LINGO1: variants seen among roughly 807,000 people sequenced by gnomAD.
LINGO1 encodes leucine-rich repeat and immunoglobulin-like domain-containing nogo receptor-interacting protein 1.
A neutral mutation model predicts 37.3 loss-of-function variants in LINGO1; 11 were observed. The ratio of observed to expected loss-of-function variants is 0.29; its 90% CI spans 0.19 to 0.49. The LOEUF is 0.49. Among genes scored for constraint, LINGO1 ranks in the 20% least tolerant of loss-of-function variants. The probability of loss-of-function intolerance (pLI) is 0.99; values close to 1 mark genes in which losing one functional copy is unlikely to be tolerated. For missense variants in LINGO1, 585 were observed against 878.2 expected (o/e 0.67, Z 4.22); for synonymous variants, 387 against 403.0 (o/e 0.96, Z 0.48).
At chr15:77,621,542 G>A (rs1015589243) in intron 1 of LINGO1, among the ~76,000 whole-genome samples, 1 of 152,150 alleles carries the variant, frequency 6.6e-6, no homozygotes, top group East Asian at 1.9e-4. Flanking sequence ...TGCCTGGTGC[G>A]ACACAGGGCT....
At chr15:77,727,888 C>T (rs1200956784) in intron 2 of LINGO1, among the ~76,000 whole-genome samples, 1 of 152,192 alleles carries the variant, frequency 6.6e-6, no homozygotes, top group Non-Finnish European at 1.5e-5. Context: ...TTGCCTGGCT[C>T]CCGGGGACAC....
chr15:77,763,527 T>C (rs1348639164), intron 1 of LINGO1, among the ~76,000 whole-genome samples: 1 of 152,090 alleles, frequency 6.6e-6, no homozygotes, highest in African/African-American at 2.4e-5. Context: ...CCCCACTGAC[T>C]GACCCTCGAA....
upstream of LINGO1, among the ~76,000 whole-genome samples, chr15:77,636,638 C>T (rs1420294753): frequency 6.6e-6 from 1 of 152,116 alleles, no homozygotes; most frequent in Admixed American, 6.5e-5. Flanking sequence ...GAGGGGGTCA[C>T]AGCCACTCCC....
At chr15:77,725,473 G>T (rs1462914818) in intron 2 of LINGO1, among the ~76,000 whole-genome samples, 1 of 152,072 alleles carries the variant, frequency 6.6e-6, no homozygotes, top group Non-Finnish European at 1.5e-5. Flanking sequence ...TGAGGTAGGG[G>T]GATCACTCGA....
chr15:77,796,711 C>CTT (rs59535084), intron 1 of LINGO1, among the ~76,000 whole-genome samples: 203 of 142,688 alleles, frequency 1.4e-3, no homozygotes, highest in East Asian at 2.3e-3. Flanking sequence ...CCTCTCCTGC[C>CTT]TTTTTTTTTT....
At chr15:77,699,493 AT>A (rs2075743350), upstream of LINGO1, among the ~76,000 whole-genome samples, 11 of 7,574 alleles carry the variant, frequency 1.5e-3, no homozygotes, top group South Asian at 3.0e-3. Flanking sequence ...ACTAACCATC[AT>A]CTCCACACAC....
intron 3 of LINGO1, among the ~76,000 whole-genome samples, chr15:77,657,270 C>A (rs1444612276): frequency 6.6e-6 from 1 of 151,956 alleles, no homozygotes; most frequent in African/African-American, 2.4e-5. Flanking sequence ...GGTAGCTGCC[C>A]CAGACCTCAG....
At chr15:77,797,939 A>ATATTATGGGC (rs1356645352) in intron 1 of LINGO1, among the ~76,000 whole-genome samples, 1 of 152,224 alleles carries the variant, frequency 6.6e-6, no homozygotes, top group Non-Finnish European at 1.5e-5. Flanking sequence ...GGGTCTTCAT[A>ATATTATGGGC]TATTATGGGC....
chr15:77,776,522 G>GAGTA (rs1338089840), intron 1 of LINGO1, among the ~76,000 whole-genome samples: 10,055 of 51,506 alleles, frequency 0.2, 795 homozygotes, highest in Non-Finnish European at 0.23. Context: ...GGCAGGAAGG[G>GAGTA]AGGAAGGGAG....
At chr15:77,750,675 G>A (rs2076362347) in intron 1 of LINGO1, among the ~76,000 whole-genome samples, 1 of 152,218 alleles carries the variant, frequency 6.6e-6, no homozygotes, top group Admixed American at 6.5e-5. Flanking sequence ...CCTACTATGA[G>A]CCAGACACTT....
At chr15:77,726,235 CT>C (rs1296781241) in intron 2 of LINGO1, among the ~76,000 whole-genome samples, 5 of 152,208 alleles carry the variant, frequency 3.3e-5, no homozygotes, top group African/African-American at 1.2e-4. Context: ...GTCTCCGCCC[CT>C]GTGTCTGATG....
intron 1 of LINGO1, among the ~76,000 whole-genome samples, chr15:77,812,175 T>TTA (rs1382400704): frequency 1.3e-5 from 2 of 152,216 alleles, no homozygotes; most frequent in Admixed American, 6.5e-5. Context: ...TGCCCTTTAT[T>TTA]GAGGTGACTG....
At chr15:77,617,183 T>G (rs1314238705) in intron 1 of LINGO1, among the ~76,000 whole-genome samples, 2 of 152,126 alleles carry the variant, frequency 1.3e-5, no homozygotes, top group African/African-American at 4.8e-5. Context: ...GCAAGGGGTA[T>G]GCGGGAGCCT....
chr15:77,715,216 T>TC lies in LINGO1; in HGVS notation c.-195+19775_-195+19776insG, dbSNP rs1341459343. Among the ~76,000 whole-genome samples, 336 of 152,186 alleles carry TC rather than the reference T, an allele frequency of 2.2e-3. 1 individual carries two copies. Among genetic ancestry groups the TC allele is most frequent in the African/African-American group, 7.9e-3 (326 of 41,522 alleles). On this transcript the variant is annotated intron_variant, in intron 2 of 3. Coordinates refer to the LINGO1 transcript ENST00000561686. ...ACTCTCCACCCCTTTCACACATCCATGGGGCGCTAGGAGGAAATGGGGCAG... is the reference window on the plus strand; with the variant it reads ...ACTCTCCACCCCTTTCACACATCCATCGGGGCGCTAGGAGGAAATGGGGCAG...
chr15:77,731,068 C>T (rs1415726635), intron 2 of LINGO1, among the ~76,000 whole-genome samples: 1 of 152,218 alleles, frequency 6.6e-6, no homozygotes, highest in Admixed American at 6.5e-5. Flanking sequence ...TCATGCTTGG[C>T]ATTCAATGTC....
chr15:77,693,057 C>A (rs1364351303), intron 1 of LINGO1, among the ~76,000 whole-genome samples: 1 of 152,220 alleles, frequency 6.6e-6, no homozygotes, highest in Non-Finnish European at 1.5e-5. Flanking sequence ...TCCCAGCTTA[C>A]ACACCCATGT....
In LINGO1 at chr15:77,716,121, A is replaced by T. The variant is rs115043809; in HGVS notation, c.-195+18871T>A. Among the ~76,000 whole-genome samples, 635 of 152,282 alleles carry T rather than the reference A, an allele frequency of 4.2e-3. 6 individuals carry two copies. The highest frequency in any genetic ancestry group is 0.014 in the African/African-American group (568 of 41,546). On this transcript the variant is annotated intron_variant, in intron 2 of 3. Coordinates refer to the LINGO1 transcript ENST00000561686. Reference sequence around the variant, plus strand: ...TTATCTCTATTTTATAGAAGGGGGAAGTTCTATAAACTTCAGTGACTTCTC... The same window carrying T: ...TTATCTCTATTTTATAGAAGGGGGATGTTCTATAAACTTCAGTGACTTCTC...
intron 1 of LINGO1, among the ~76,000 whole-genome samples, chr15:77,691,607 C>T (rs1458798236): frequency 6.6e-6 from 1 of 151,998 alleles, no homozygotes; most frequent in Admixed American, 6.6e-5. Flanking sequence ...AAAGCAGCCC[C>T]AATGCATGTC....
intron 1 of LINGO1, among the ~76,000 whole-genome samples, chr15:77,620,202 C>A (rs1482071207): frequency 1.3e-5 from 2 of 151,102 alleles, no homozygotes; most frequent in African/African-American, 5.0e-5. Flanking sequence ...TGGATCCTTG[C>A]CCCCTGAAGG....
Sources: gnomAD v4.1 joint callset for allele counts (sites outside exome capture counted in the v4.1 genomes callset) on GRCh38, gnomAD v4.1.1 for gene constraint, MANE v1.5 for transcripts, NCBI Gene and HGNC (gene_info 2026-07-23, HGNC 2026-07-21) for gene names.